ATP8A1: variants seen among roughly 807,000 people sequenced by gnomAD.
ATP8A1 encodes the protein phospholipid-transporting ATPase IA.
In ATP8A1, 90 loss-of-function variants were observed where a neutral mutation model predicts 177.7. That is an observed-to-expected ratio of 0.51 (90% confidence interval 0.43 to 0.60). ATP8A1 has a LOEUF of 0.60. Among genes scored for constraint, ATP8A1 ranks in the 20% least tolerant of loss-of-function variants. ATP8A1 has a pLI of 0.00. For missense variants in ATP8A1, 1,072 were observed against 1,392.8 expected (o/e 0.77, Z 3.67); for synonymous variants, 493 against 485.9 (o/e 1.01, Z -0.19).
chr4:42,466,163 T>A (rs975765573), intron 25 of ATP8A1, among the ~76,000 whole-genome samples: 2 of 149,292 alleles, frequency 1.3e-5, no homozygotes, highest in Non-Finnish European at 3.0e-5. Context: ...AACTACACAA[T>A]AAATTGTTCT....
chr4:42,433,578 T>C (rs914420457), intron 33 of ATP8A1, among the ~76,000 whole-genome samples: 3 of 152,210 alleles, frequency 2.0e-5, no homozygotes, highest in Non-Finnish European at 4.4e-5. Flanking sequence ...TTACAATTAT[T>C]CTCAGCAGCT....
intron 5 of ATP8A1, among the ~76,000 whole-genome samples, chr4:42,603,064 TA>T (rs952852994): frequency 6.6e-6 from 1 of 151,224 alleles, no homozygotes. Context: ...TAGTTTTTTT[TA>T]AAAAAAAACT....
intron 24 of ATP8A1, among the ~76,000 whole-genome samples, chr4:42,494,758 G>A (rs1325344925): frequency 1.3e-5 from 2 of 152,196 alleles, no homozygotes; most frequent in Non-Finnish European, 2.9e-5. Flanking sequence ...ATAAACTGAT[G>A]TGGCATTTCT....
rs1735015482 is a variant in ATP8A1, at chr4:42,599,251, AAAT to A, written c.450+1224_450+1226del. Reference sequence around the variant, plus strand: ...TTAACTACACTGACAACCCTAGGTAAAATAATATTTGTAATAAAATTCATCTTA... The same window carrying A: ...TTAACTACACTGACAACCCTAGGTAAAATATTTGTAATAAAATTCATCTTA... On this transcript the variant is annotated intron_variant, in intron 6 of 36. Transcript: ENST00000381668. Among the ~76,000 whole-genome samples the A allele has an allele frequency of 2.6e-5, 4 of 152,310 alleles. No homozygotes were observed. The South Asian group carries it at 8.3e-4, about 32-fold the overall frequency.
At chr4:42,447,816 T>A (rs1254278708) in intron 30 of ATP8A1, among the ~76,000 whole-genome samples, 1 of 152,182 alleles carries the variant, frequency 6.6e-6, no homozygotes, top group Non-Finnish European at 1.5e-5. Flanking sequence ...CCTATGGAAC[T>A]CTGTTTAGCT....
intron 5 of ATP8A1, among the ~76,000 whole-genome samples, chr4:42,605,045 A>T (rs1482600446): frequency 6.6e-6 from 1 of 152,194 alleles, no homozygotes; most frequent in Non-Finnish European, 1.5e-5. Context: ...GTTTACATGT[A>T]TAGGGTTTCT....
chr4:42,611,007 GA>G (rs1736312203), intron 5 of ATP8A1, among the ~76,000 whole-genome samples: 1 of 152,190 alleles, frequency 6.6e-6, no homozygotes, highest in Non-Finnish European at 1.5e-5. Context: ...GAACAGCACT[GA>G]AATGAATTGA....
chr4:42,432,216 C>A (rs1358079699), intron 33 of ATP8A1, among the ~76,000 whole-genome samples: 1 of 152,046 alleles, frequency 6.6e-6, no homozygotes. Context: ...TCTAGAGTAC[C>A]CCGAAAACTG....
chr4:42,479,976 T>G (rs1205261305), intron 25 of ATP8A1, among the ~76,000 whole-genome samples: 1 of 140,142 alleles, frequency 7.1e-6, no homozygotes, highest in Non-Finnish European at 1.5e-5. Context: ...TCATTAGAAT[T>G]ATGTAATCTG....
At chr4:42,503,986 C>G (rs1578065144) in intron 23 of ATP8A1, among the ~76,000 whole-genome samples, 1 of 152,224 alleles carries the variant, frequency 6.6e-6, no homozygotes, top group Non-Finnish European at 1.5e-5. Flanking sequence ...CCCTCTCTTG[C>G]TTTGTTGCAC....
intron 33 of ATP8A1, among the ~76,000 whole-genome samples, chr4:42,442,465 T>C (rs1417280946): frequency 6.6e-6 from 1 of 152,232 alleles, no homozygotes; most frequent in Admixed American, 6.5e-5. Context: ...ATTCTCCCTG[T>C]TCTGCTTAGA....
At chr4:42,570,572 TC>T (rs149091981) in intron 14 of ATP8A1, among the ~76,000 whole-genome samples, 2,559 of 152,252 alleles carry the variant, frequency 0.017, 73 homozygotes, top group African/African-American at 0.058. Flanking sequence ...GCTCCAGAGC[TC>T]AAGTGCCAGA....
At chr4:42,488,742 C>T (rs1215043613) in intron 24 of ATP8A1, among the ~76,000 whole-genome samples, 1 of 152,142 alleles carries the variant, frequency 6.6e-6, no homozygotes, top group African/African-American at 2.4e-5. Flanking sequence ...ATGTCCTCCT[C>T]TCCAGAGGAT....
chr4:42,455,230 C>T (rs1470114532), intron 29 of ATP8A1, 67 bp downstream of exon 29: 1 of 1,585,476 alleles, frequency 6.3e-7, no homozygotes, highest in South Asian at 1.2e-5. Flanking sequence ...AAACCACATA[C>T]CCCATATAAT....
In ATP8A1 at chr4:42,428,362, C is replaced by T. The variant is rs150340796; in HGVS notation, c.3124-4657G>A. Among the ~76,000 whole-genome samples, 118 of 152,346 alleles carry T rather than the reference C, an allele frequency of 7.7e-4. 1 individual carries two copies. Among genetic ancestry groups the T allele is most frequent in the African/African-American group, 2.6e-3 (110 of 41,596 alleles). On this transcript the variant is annotated intron_variant, in intron 33 of 36. Transcript: ENST00000381668. ...CACACTGTCTTCCCTCCAAAGGCTG[C>T]TCTTCCTTGGTACAAGCTATTCAGG...
intron 1 of ATP8A1, among the ~76,000 whole-genome samples, chr4:42,629,982 CA>C (rs1738554784): frequency 6.6e-6 from 1 of 152,210 alleles, no homozygotes; most frequent in South Asian, 2.1e-4. Context: ...AGGTAGGTAG[CA>C]ATTTTGATCT....
chr4:42,608,284 C>T (rs112481961), intron 5 of ATP8A1, among the ~76,000 whole-genome samples: 1 of 9,422 alleles, frequency 1.1e-4, no homozygotes, highest in East Asian at 3.0e-3. Context: ...TCCCACCCAC[C>T]CCACCCCAAT....
intron 5 of ATP8A1, among the ~76,000 whole-genome samples, chr4:42,601,535 A>AAAAAAT (rs61277021): frequency 0.19 from 28,472 of 149,292 alleles, 2,845 homozygotes; most frequent in East Asian, 0.3. Context: ...AATAAACACC[A>AAAAAAT]AAAAATAAAA....
chr4:42,468,430 T>TACACAC (rs139371340), intron 25 of ATP8A1, among the ~76,000 whole-genome samples: 3,471 of 150,472 alleles, frequency 0.023, 71 homozygotes, highest in Middle Eastern at 0.09. Context: ...ATATATTTTA[T>TACACAC]ACACACACAC....
Sources: gnomAD v4.1 joint callset for allele counts (sites outside exome capture counted in the v4.1 genomes callset) on GRCh38, gnomAD v4.1.1 for gene constraint, MANE v1.5 for transcripts, NCBI Gene and HGNC (gene_info 2026-07-23, HGNC 2026-07-21) for gene names.